ZNF483: variants seen among roughly 807,000 people sequenced by gnomAD.
ZNF483 encodes zinc finger protein 483.
Under a neutral mutation model 28.6 loss-of-function variants are expected in ZNF483, and 9 were observed. The observed-to-expected ratio is 0.32, with a 90% CI of 0.19 to 0.55. The LOEUF is 0.55. Among genes scored for constraint, ZNF483 ranks in the 20% least tolerant of loss-of-function variants. The pLI is 0.93. For missense variants in ZNF483, 675 were observed against 871.7 expected, an observed-to-expected ratio of 0.77 and a Z score of 2.84; for synonymous variants, 322 against 306.2, an observed-to-expected ratio of 1.05 and a Z score of -0.54.
At chr9:111,534,130 C>T in intron 4 of ZNF483, 131 bp from the exon 5 acceptor site, 2 of 842,388 alleles carry the variant, frequency 2.4e-6, no homozygotes, top group Non-Finnish European at 3.8e-6. Flanking sequence ...GTCTCAAGTT[C>T]CAGTATTTAT....
chr9:111,560,334 C>T (rs987105411), downstream of ZNF483, among the ~76,000 whole-genome samples: 18 of 151,840 alleles, frequency 1.2e-4, no homozygotes, highest in African/African-American at 3.6e-4. Flanking sequence ...ATTAGCCAGG[C>T]GTGGTGGTGG....
chr9:111,566,724 T>G (rs1368760968), intron 5 of ZNF483, among the ~76,000 whole-genome samples: 1 of 152,188 alleles, frequency 6.6e-6, no homozygotes, highest in Non-Finnish European at 1.5e-5. Flanking sequence ...TCATATACTA[T>G]TCTGGGGGCT....
chr9:111,525,528 C>T (rs1032410326), intron 1 of ZNF483, among the ~76,000 whole-genome samples: 1 of 152,184 alleles, frequency 6.6e-6, no homozygotes, highest in Non-Finnish European at 1.5e-5. Flanking sequence ...GGGGGAGGCT[C>T]TCCCGTTGTG....
chr9:111,571,644 A>T (rs1402693220), intron 5 of ZNF483, among the ~76,000 whole-genome samples: 3 of 146,568 alleles, frequency 2.0e-5, no homozygotes, highest in Non-Finnish European at 3.1e-5. Flanking sequence ...CACCTGGCTA[A>T]TTTTTTTTAG....
At chr9:111,563,294 C>A in intron 5 of ZNF483, 1 of 1,444,964 alleles carries the variant, frequency 6.9e-7, no homozygotes. Flanking sequence ...ATACTGTTCT[C>A]ATCCTAGCAA....
chr9:111,528,536 TC>T (rs1241934966), intron 2 of ZNF483, among the ~76,000 whole-genome samples: 1 of 152,194 alleles, frequency 6.6e-6, no homozygotes, highest in Non-Finnish European at 1.5e-5. Flanking sequence ...TCGCCTTTTT[TC>T]TCAAATTTGT....
At position 111,544,065 on chromosome 9, in the gene ZNF483, G is replaced by GA. The variant is rs1459113038; in HGVS notation, c.*897dup. 2.5e-5 allele frequency: 25 copies of GA among 985,270 alleles called. No homozygotes were observed. Among genetic ancestry groups the GA allele is most frequent in the Non-Finnish European group, 2.9e-5 (24 of 829,942 alleles). 61.0% of individuals were successfully genotyped at this position (985,270 alleles called of 1,614,324 possible). Reference sequence around the variant, plus strand: ...GAGGGAGTATTTTAATCGGACAAGGGAACTCTTTTTCTTTTGGGCATTGGC... The same window carrying GA: ...GAGGGAGTATTTTAATCGGACAAGGGAAACTCTTTTTCTTTTGGGCATTGGC... On this transcript the variant is annotated 3_prime_UTR_variant, in exon 6 of 6. Transcript: ENST00000309235.
chr9:111,528,493 T>C (rs1827236428), intron 2 of ZNF483, among the ~76,000 whole-genome samples: 1 of 152,198 alleles, frequency 6.6e-6, no homozygotes, highest in African/African-American at 2.4e-5. Flanking sequence ...TGTAAAGTCT[T>C]CTAGGGTGAG....
intron 3 of ZNF483, among the ~76,000 whole-genome samples, chr9:111,531,177 A>G (rs1350650448): frequency 1.3e-5 from 2 of 151,990 alleles, no homozygotes; most frequent in Non-Finnish European, 2.9e-5. Context: ...AGCCTGGGCA[A>G]CAGAGCAAGA....
At chr9:111,529,538 A>T (rs534012300) in intron 2 of ZNF483, among the ~76,000 whole-genome samples, 50 of 152,360 alleles carry the variant, frequency 3.3e-4, no homozygotes, top group African/African-American at 1.1e-3. Flanking sequence ...TCATTCAGTT[A>T]GCAGGTTTGA....
chr9:111,527,707 G>T lies in ZNF483; in HGVS notation c.312G>T (p.Leu104Phe), dbSNP rs755717081. 2 of 1,613,968 alleles carry T rather than the reference G, an allele frequency of 1.2e-6. No individual in the cohort carries two copies. Among genetic ancestry groups the T allele is most frequent in the African/African-American group, 2.7e-5 (2 of 74,916 alleles). ...TGTTTGAGCAGTTCCTGACCATTTT[G>T]CCTGGGGAGATCAGGATTTGGGTAA... ...LLVFEQFLTI[L>F]PGEIRIWVKS... is the part of the protein sequence containing the mutation. The change falls in exon 2 of 6, where the codon TTG becomes TTT. Residue 104 changes from leucine to phenylalanine, a missense_variant. Transcript: ENST00000309235.
intron 5 of ZNF483, chr9:111,574,742 A>C (rs761362379): frequency 6.2e-7 from 1 of 1,611,644 alleles, no homozygotes; most frequent in East Asian, 2.2e-5. Context: ...ACCTGGGGGA[A>C]GTGGGCCGGT....
intron 5 of ZNF483, chr9:111,574,719 G>A (rs1828979645): frequency 6.3e-7 from 1 of 1,582,180 alleles, no homozygotes. Flanking sequence ...GGGATCGTGT[G>A]CATGTGCTCA....
rs1373836062 is a variant in ZNF483, at chr9:111,546,351, T to C, written c.*3181T>C. ...GCTACAGAGAGCAGCCCAAACTCTG[T>C]TGGATAATATTTATCAAAGTCTTGA... On this transcript the variant is annotated 3_prime_UTR_variant, in exon 6 of 6. Coordinates refer to ENST00000309235, the MANE Select transcript of ZNF483 (RefSeq NM_133464.5). 6.6e-6 allele frequency among the ~76,000 whole-genome samples: 1 copy of C among 152,186 alleles called. No individual in the cohort carries two copies. Among genetic ancestry groups the C allele is most frequent in the Non-Finnish European group, 1.5e-5 (1 of 68,008 alleles).
chr9:111,530,366 A>G (rs1827291845), intron 2 of ZNF483, among the ~76,000 whole-genome samples: 1 of 152,138 alleles, frequency 6.6e-6, no homozygotes, highest in Non-Finnish European at 1.5e-5. Context: ...TATCCTTTGT[A>G]ATACCCTTTA....
In ZNF483 at chr9:111,553,584, A is replaced by G. The variant is rs1014060598; in HGVS notation, c.*10414A>G. ...TCTGAACTCAAATCAATCTGTTGATACTGACTAGATTGGTGACGTGTTTAT... is the reference window on the plus strand; with the variant it reads ...TCTGAACTCAAATCAATCTGTTGATGCTGACTAGATTGGTGACGTGTTTAT... On this transcript the variant is annotated 3_prime_UTR_variant, in exon 6 of 6. Coordinates refer to ENST00000309235, the MANE Select transcript of ZNF483 (RefSeq NM_133464.5). 2.0e-5 allele frequency among the ~76,000 whole-genome samples: 3 copies of G among 152,218 alleles called. No individual in the cohort carries two copies. Among genetic ancestry groups the G allele is most frequent in the Non-Finnish European group, 4.4e-5 (3 of 68,032 alleles).
At chr9:111,556,808 T>C (rs1234915925), downstream of ZNF483, among the ~76,000 whole-genome samples, 7 of 152,334 alleles carry the variant, frequency 4.6e-5, no homozygotes, top group African/African-American at 1.7e-4. Context: ...TTTGCCCTTC[T>C]GCCATGATTG....
rs1433621091 is a variant in ZNF483 at position 111,542,473 on chromosome 9, A to G, written c.1538A>G (p.His513Arg). 3 of 1,614,190 alleles carry G rather than the reference A, an allele frequency of 1.9e-6. No homozygotes were observed. Among genetic ancestry groups the G allele is most frequent in the Non-Finnish European group, 2.5e-6 (3 of 1,180,012 alleles). Reference protein sequence around the residue: ...GFTLSAHLIKHQRIHTGEKPY... With the variant: ...GFTLSAHLIKRQRIHTGEKPY... ...ACCCTAAGTGCTCACCTCATTAAAC[A>G]TCAGAGAATTCATACTGGAGAAAAA... is the stretch of plus-strand genomic sequence containing the variant. The change falls in exon 6 of 6, where the codon CAT becomes CGT. Residue 513 changes from histidine to arginine, a missense_variant. Physicochemically the swap from His to Arg is conservative, Grantham distance 29 (BLOSUM62 0). Coordinates refer to ENST00000309235, the MANE Select transcript of ZNF483 (RefSeq NM_133464.5). This position sits in a 1 kb window ranked among gnomAD's most constrained non-coding sequence, Gnocchi z 6.2.
At chr9:111,533,893 G>A (rs1564593082) in intron 4 of ZNF483, 28 bp downstream of exon 4, 2 of 1,581,322 alleles carry the variant, frequency 1.3e-6, no homozygotes, top group Non-Finnish European at 1.7e-6. Flanking sequence ...TCATTACCTA[G>A]CGTTTAACCT....
Sources: allele counts gnomAD v4.1 joint callset (sites outside exome capture counted in the v4.1 genomes callset), GRCh38; gene constraint gnomAD v4.1.1; non-coding constraint Gnocchi (gnomAD v3.1); transcripts MANE v1.5; gene names NCBI Gene and HGNC (gene_info 2026-07-23, HGNC 2026-07-21).